Variants in PDGFD observed in about 807,000 individuals in gnomAD.
The protein encoded by PDGFD is platelet-derived growth factor D.
Under a neutral mutation model 44.7 loss-of-function variants are expected in PDGFD, and 30 were observed. The ratio of observed to expected loss-of-function variants is 0.67; its 90% CI spans 0.50 to 0.91. PDGFD has a LOEUF of 0.91. Among genes scored for constraint, PDGFD ranks in the 40% least tolerant of loss-of-function variants. PDGFD has a pLI of 0.00. For missense variants in PDGFD, 445 were observed against 457.8 expected, an observed-to-expected ratio of 0.97 and a Z score of 0.25; for synonymous variants, 173 against 168.4, an observed-to-expected ratio of 1.03 and a Z score of -0.21.
chr11:104,060,575 G>A (rs1437587801), intron 1 of PDGFD, among the ~76,000 whole-genome samples: 1 of 152,162 alleles, frequency 6.6e-6, no homozygotes, highest in East Asian at 1.9e-4. Flanking sequence ...TGTAGCCAAG[G>A]GGAATTCTGT....
At chr11:103,951,372 C>T (rs1858754191) in intron 3 of PDGFD, among the ~76,000 whole-genome samples, 1 of 152,156 alleles carries the variant, frequency 6.6e-6, no homozygotes, top group African/African-American at 2.4e-5. Flanking sequence ...CCTAAGTCCA[C>T]TTAGAAACCA....
intron 3 of PDGFD, among the ~76,000 whole-genome samples, chr11:103,954,295 T>C (rs1304594105): frequency 2.0e-5 from 3 of 152,236 alleles, no homozygotes; most frequent in Non-Finnish European, 4.4e-5. Flanking sequence ...GCACCAGCAA[T>C]GGATGTCCAA....
intron 3 of PDGFD, among the ~76,000 whole-genome samples, chr11:103,958,407 A>G (rs1465369064): frequency 6.6e-6 from 1 of 152,204 alleles, no homozygotes; most frequent in Non-Finnish European, 1.5e-5. Context: ...ATCTGATTCA[A>G]TTCACCAGTG....
intron 1 of PDGFD, among the ~76,000 whole-genome samples, chr11:104,006,589 C>A (rs1395017410): frequency 1.3e-5 from 2 of 152,160 alleles, no homozygotes. Flanking sequence ...TGCCATGCCA[C>A]CCTATCCTGT....
chr11:104,037,197 A>C (rs1342163789), intron 1 of PDGFD: 3 of 1,613,732 alleles, frequency 1.9e-6, no homozygotes, highest in Non-Finnish European at 2.5e-6. Flanking sequence ...CCCAGCGGTC[A>C]CAGGGCTTGG....
intron 5 of PDGFD, among the ~76,000 whole-genome samples, chr11:103,937,176 A>G (rs1422557285): frequency 6.6e-6 from 1 of 152,174 alleles, no homozygotes; most frequent in East Asian, 1.9e-4. Context: ...ATGTGTATCT[A>G]AAAATGATTA....
At chr11:103,910,469 G>A (rs1758674170) in intron 6 of PDGFD, among the ~76,000 whole-genome samples, 1 of 152,180 alleles carries the variant, frequency 6.6e-6, no homozygotes, top group African/African-American at 2.4e-5. Context: ...AGGGTGGGGT[G>A]TCCCCTCAGC....
intron 1 of PDGFD, among the ~76,000 whole-genome samples, chr11:104,067,888 A>G (rs1177863541): frequency 6.6e-6 from 1 of 152,170 alleles, no homozygotes; most frequent in Non-Finnish European, 1.5e-5. Context: ...TGAGTTAATT[A>G]AAACACTTTT....
At chr11:104,078,040 C>CCACTAGTG (rs1565328301) in intron 1 of PDGFD, among the ~76,000 whole-genome samples, 1 of 151,850 alleles carries the variant, frequency 6.6e-6, no homozygotes, top group African/African-American at 2.4e-5. Flanking sequence ...TGCCACTGGT[C>CCACTAGTG]CTCAGCGGCC....
chr11:104,045,178 A>G (rs981872532), intron 1 of PDGFD, among the ~76,000 whole-genome samples: 1 of 152,192 alleles, frequency 6.6e-6, no homozygotes, highest in South Asian at 2.1e-4. Context: ...CATGTTGTGC[A>G]CTTCTAAACA....
At chr11:103,995,981 C>T in intron 3 of PDGFD, 84 bp downstream of exon 3, 1 of 1,215,232 alleles carries the variant, frequency 8.2e-7, no homozygotes, top group Non-Finnish European at 1.2e-6. Context: ...CACTCACCCT[C>T]ACTGAATTTG....
chr11:104,124,238 A>T (rs361293), intron 1 of PDGFD, among the ~76,000 whole-genome samples: 25 of 151,908 alleles, frequency 1.6e-4, no homozygotes, highest in African/African-American at 5.1e-4. Flanking sequence ...AAGCCAGATA[A>T]GAGGGAGGAA....
chr11:103,935,975 C>T (rs987336645), intron 5 of PDGFD, among the ~76,000 whole-genome samples: 2 of 152,130 alleles, frequency 1.3e-5, no homozygotes, highest in South Asian at 2.1e-4. Flanking sequence ...TCCATTGCAA[C>T]GTCCTTCTTT....
intron 1 of PDGFD, among the ~76,000 whole-genome samples, chr11:104,107,535 TA>T (rs1861489353): frequency 6.6e-6 from 1 of 152,224 alleles, no homozygotes. Context: ...TGTGTTGTTT[TA>T]AGCTGGTAAA....
chr11:103,998,551 G>A (rs1859571967), intron 2 of PDGFD, among the ~76,000 whole-genome samples: 1 of 152,116 alleles, frequency 6.6e-6, no homozygotes, highest in Admixed American at 6.5e-5. Flanking sequence ...TCTTTCACTT[G>A]GCTGTTCCTC....
chr11:103,938,772 G>T (rs976626260), intron 5 of PDGFD, among the ~76,000 whole-genome samples: 5 of 151,972 alleles, frequency 3.3e-5, no homozygotes, highest in East Asian at 1.9e-4. Flanking sequence ...TTTCTACATA[G>T]GGCTAGCCAG....
intron 1 of PDGFD, among the ~76,000 whole-genome samples, chr11:104,131,294 T>C (rs548752016): frequency 1.6e-4 from 25 of 152,278 alleles, no homozygotes; most frequent in African/African-American, 5.8e-4. Context: ...GTAACTTAAC[T>C]GAAATGGCAA....
chr11:104,035,875 C>T (rs185393156), intron 1 of PDGFD, among the ~76,000 whole-genome samples: 35 of 152,232 alleles, frequency 2.3e-4, no homozygotes, highest in African/African-American at 8.2e-4. Flanking sequence ...AGGAAAATAT[C>T]CTCTGTTCTG....
chr11:103,975,850 C>T (rs1451570296), intron 3 of PDGFD, among the ~76,000 whole-genome samples: 1 of 152,056 alleles, frequency 6.6e-6, no homozygotes, highest in Admixed American at 6.6e-5. Context: ...TTCCGTTGGT[C>T]TATATATCTG....
Sources: allele counts gnomAD v4.1 joint callset (sites outside exome capture counted in the v4.1 genomes callset), GRCh38; gene constraint gnomAD v4.1.1; transcripts MANE v1.5; gene names NCBI Gene and HGNC (gene_info 2026-07-23, HGNC 2026-07-21).